The following BLM variants were observed in gnomAD, a reference collection of about 807,000 sequenced individuals.
BLM encodes BLM RecQ like helicase.
BLM carries 95 observed loss-of-function variants against 135.3 expected under a neutral mutation model. The observed-to-expected ratio is 0.70, with a 90% CI of 0.59 to 0.83. The LOEUF (loss-of-function observed/expected upper bound fraction) is 0.83. Among genes scored for constraint, BLM ranks in the 40% least tolerant of loss-of-function variants. The pLI is 0.00. For missense variants in BLM, 1,518 were observed against 1,663.9 expected (o/e 0.91, Z 1.53); for synonymous variants, 520 against 589.2 (o/e 0.88, Z 1.70).
chr15:90,723,136 CT>C (rs1482339271), intron 1 of BLM, among the ~76,000 whole-genome samples: 1 of 152,172 alleles, frequency 6.6e-6, no homozygotes, highest in African/African-American at 2.4e-5. Context: ...GCCACCGCTC[CT>C]GGCCCTATTG....
chr15:90,798,876 G>A (rs1349357507), intron 17 of BLM, among the ~76,000 whole-genome samples: 1 of 152,054 alleles, frequency 6.6e-6, no homozygotes, highest in East Asian at 1.9e-4. Context: ...CCAGCTACTC[G>A]GGAGGCTGAG....
chr15:90,807,149 A>T (rs1466668487), intron 19 of BLM, among the ~76,000 whole-genome samples: 1 of 152,156 alleles, frequency 6.6e-6, no homozygotes, highest in African/African-American at 2.4e-5. Context: ...AGAGTGTTCC[A>T]CTATTTTCCC....
intron 14 of BLM, among the ~76,000 whole-genome samples, chr15:90,786,624 A>T (rs1013901608): frequency 1.3e-5 from 2 of 152,034 alleles, no homozygotes; most frequent in African/African-American, 4.8e-5. Context: ...AAGACCACAC[A>T]CGTGAATAAT....
chr15:90,814,051 A>T (rs1897491231), intron 21 of BLM, among the ~76,000 whole-genome samples: 1 of 152,208 alleles, frequency 6.6e-6, no homozygotes, highest in Non-Finnish European at 1.5e-5. Flanking sequence ...CTCAGCAGGA[A>T]ATCAGCATAG....
intron 16 of BLM, among the ~76,000 whole-genome samples, chr15:90,795,026 G>A (rs565784530): frequency 2.6e-5 from 4 of 152,064 alleles, no homozygotes; most frequent in African/African-American, 7.3e-5. Context: ...AATGTCTACT[G>A]TAACCTACTG....
chr15:90,802,487 C>T (rs567507992), intron 17 of BLM, among the ~76,000 whole-genome samples: 1 of 152,350 alleles, frequency 6.6e-6, no homozygotes, highest in African/African-American at 2.4e-5. Flanking sequence ...GTCTTCATCT[C>T]TCCCCTTGAG....
intron 2 of BLM, 22 bp from the exon 3 acceptor site, chr15:90,749,345 T>G (rs371133046): frequency 6.5e-7 from 1 of 1,550,134 alleles, no homozygotes; most frequent in Admixed American, 1.7e-5. Flanking sequence ...CCATCTAATC[T>G]AGTTTTTCCA....
At chr15:90,786,047 A>G (rs1315968284) in intron 14 of BLM, among the ~76,000 whole-genome samples, 1 of 128,896 alleles carries the variant, frequency 7.8e-6, no homozygotes, top group East Asian at 2.2e-4. Context: ...TCTTTCATTC[A>G]GGCTAGAGTG....
At chr15:90,757,722 G>T (rs1011309030) in intron 5 of BLM, among the ~76,000 whole-genome samples, 2 of 151,836 alleles carry the variant, frequency 1.3e-5, no homozygotes, top group African/African-American at 4.8e-5. Flanking sequence ...AGCCTCATCC[G>T]CTTCTCTGAT....
At position 90,741,342 on chromosome 15, in the gene BLM, G is replaced by A. The variant is rs28364265; in HGVS notation, c.-4-6047G>A. 6.9e-3 allele frequency among the ~76,000 whole-genome samples: 1,056 copies of A among 152,048 alleles called. 10 individuals are homozygous for A. The highest frequency in any genetic ancestry group is 0.024 in the African/African-American group (989 of 41,466). ...GAGAAATCAATTTTTTGTCCATATGGTACACTGATATATTTGGGTGTGGAT... is the reference window on the plus strand; with the variant it reads ...GAGAAATCAATTTTTTGTCCATATGATACACTGATATATTTGGGTGTGGAT... On this transcript the variant is annotated intron_variant, in intron 1 of 21. Coordinates refer to ENST00000355112, the MANE Select transcript of BLM (RefSeq NM_000057.4).
In BLM at chr15:90,761,124, A is replaced by G. The variant is rs765187809; in HGVS notation, c.1751A>G (p.Tyr584Cys). The G allele has an allele frequency of 5.2e-6, 8 of 1,539,902 alleles. No homozygotes were observed. Among genetic ancestry groups the G allele is most frequent in the East Asian group, 2.3e-5 (1 of 44,402 alleles). ...GCCAGCAAATCTTCCACAGCTGCCT[A>G]TCAACCCATCAAGGAAGGTCGGCCA... ...LAASKSSTAAYQPIKEGRPIK... is the reference protein window; with the variant it reads ...LAASKSSTAACQPIKEGRPIK... The change falls in exon 7 of 22, where the codon TAT becomes TGT. Residue 584 changes from tyrosine to cysteine, a missense_variant. Tyr to Cys is a radical substitution (Grantham distance 194, BLOSUM62 -2). This residue lies in a region of BLM where 724 missense variants were observed against 756.9 expected (regional missense o/e 0.96). Coordinates refer to ENST00000355112, the MANE Select transcript of BLM (RefSeq NM_000057.4).
intron 4 of BLM, 59 bp downstream of exon 4, chr15:90,752,005 A>T: frequency 7.0e-7 from 1 of 1,430,638 alleles, no homozygotes. Context: ...AAATTGTTTA[A>T]TTTAGTTTAT....
intron 12 of BLM, among the ~76,000 whole-genome samples, chr15:90,778,969 T>G (rs1399386695): frequency 6.6e-6 from 1 of 151,458 alleles, no homozygotes; most frequent in Non-Finnish European, 1.5e-5. Context: ...CACTGCAACC[T>G]CCACCTCCCA....
At chr15:90,796,258 A>C (rs551764829) in intron 16 of BLM, among the ~76,000 whole-genome samples, 82 of 152,338 alleles carry the variant, frequency 5.4e-4, no homozygotes, top group South Asian at 2.3e-3. Flanking sequence ...ATTAAGATTC[A>C]AAAATTCTGA....
intron 13 of BLM, among the ~76,000 whole-genome samples, chr15:90,783,753 T>C (rs1896673982): frequency 6.6e-6 from 1 of 152,112 alleles, no homozygotes; most frequent in African/African-American, 2.4e-5. Context: ...TATCCAGACG[T>C]GGTGGCACGC....
Position 90,769,600 on chromosome 15 carries a change from C to T in BLM, c.2555+14C>T, listed in dbSNP as rs372929243. 2.8e-5 allele frequency: 45 copies of T among 1,612,568 alleles called. No homozygotes were observed. Among genetic ancestry groups the T allele is most frequent in the Middle Eastern group, 1.7e-4 (1 of 5,800 alleles). Reference sequence around the variant, plus strand: ...CAGACCTCAGGTGTAAGTTGTTGCACGTCACGTATTTGAGAACCCTGGGGC... The same window carrying T: ...CAGACCTCAGGTGTAAGTTGTTGCATGTCACGTATTTGAGAACCCTGGGGC... On this transcript the variant is annotated intron_variant, in intron 12 of 21. Transcript: ENST00000355112.
chr15:90,721,919 G>C (rs1398102537), intron 1 of BLM, among the ~76,000 whole-genome samples: 1 of 149,988 alleles, frequency 6.7e-6, no homozygotes, highest in African/African-American at 2.5e-5. Flanking sequence ...GACAGAGCAA[G>C]ACTGCATCTC....
chr15:90,734,434 C>A lies in BLM; in HGVS notation c.-4-12955C>A, dbSNP rs1438045007. Among the ~76,000 whole-genome samples, 5 of 151,752 alleles carry A rather than the reference C, an allele frequency of 3.3e-5. 1 individual carries two copies. The East Asian group carries it at 7.7e-4, about 23-fold the overall frequency. On this transcript the variant is annotated intron_variant, in intron 1 of 21. Coordinates refer to ENST00000355112, the MANE Select transcript of BLM (RefSeq NM_000057.4). ...TCCCAAGTCGCTGGGATTACAGGCG[C>A]CCACCACCACACCTGGCTAATTTTT... is the stretch of plus-strand genomic sequence containing the variant.
intron 4 of BLM, among the ~76,000 whole-genome samples, chr15:90,754,205 A>G (rs1487321586): frequency 2.0e-5 from 3 of 152,212 alleles, no homozygotes; most frequent in Non-Finnish European, 4.4e-5. Flanking sequence ...ACACTCATTC[A>G]GTACTAATTT....
Sources: gnomAD v4.1 joint callset for allele counts (sites outside exome capture counted in the v4.1 genomes callset) on GRCh38, gnomAD v4.1.1 for gene constraint, gnomAD v4.1.1 regional missense constraint, MANE v1.5 for transcripts, NCBI Gene and HGNC (gene_info 2026-07-23, HGNC 2026-07-21) for gene names.